SYT2: variants seen among roughly 807,000 people sequenced by gnomAD.
SYT2 encodes the protein synaptotagmin 2.
A neutral mutation model predicts 39.9 loss-of-function variants in SYT2; 15 were observed. The ratio of observed to expected loss-of-function variants is 0.38; its 90% confidence interval spans 0.25 to 0.58. The LOEUF is 0.58. Among genes scored for constraint, SYT2 ranks in the 20% least tolerant of loss-of-function variants. The pLI is 0.70. For missense variants in SYT2, 389 were observed against 530.3 expected (o/e 0.73, Z 2.62); for synonymous variants, 181 against 204.5 (o/e 0.89, Z 0.98).
In SYT2 at chr1:202,601,821, A is replaced by T. The variant is rs1690513287; in HGVS notation, c.801+69T>A. 8.5e-6 allele frequency: 13 copies of T among 1,524,486 alleles called. No individual in the cohort carries two copies. Among genetic ancestry groups the T allele is most frequent in the Non-Finnish European group, 9.8e-6 (11 of 1,119,862 alleles). 94.4% of individuals were successfully genotyped at this position (1,524,486 alleles called of 1,614,324 possible). On this transcript the variant is annotated intron_variant, in intron 6 of 8. Transcript: ENST00000367268. This position sits in a 1 kb window ranked among gnomAD's most constrained non-coding sequence, Gnocchi z 4.0. ...CTCCAAAGCCCACCCTGTTTCCATCATGCCAAGAGGTGGAAGCCCACCTGT... is the reference window on the plus strand; with the variant it reads ...CTCCAAAGCCCACCCTGTTTCCATCTTGCCAAGAGGTGGAAGCCCACCTGT...
chr1:202,609,418 T>C (rs554597109), intron 1 of SYT2, among the ~76,000 whole-genome samples: 2 of 152,218 alleles, frequency 1.3e-5, no homozygotes, highest in Non-Finnish European at 2.9e-5. Context: ...GTAATGGGAT[T>C]GCTGGATCAA....
rs1364416691 is a variant in SYT2 at position 202,601,174 on chromosome 1, A to G, written c.802-700T>C. 6.6e-6 allele frequency among the ~76,000 whole-genome samples: 1 copy of G among 152,192 alleles called. No individual in the cohort carries two copies. The highest frequency in any genetic ancestry group is 1.9e-4 in the East Asian group (1 of 5,184). On this transcript the variant is annotated intron_variant, in intron 6 of 8. Transcript: ENST00000367268. The surrounding 1 kb of genome is among the most constrained non-coding windows in gnomAD (Gnocchi z 4.0). ...CCAGGGCTCCTAATTCCTAAGGCCA[A>G]CACCACACTGCAGAGTCAAAGCTGC...
At position 202,689,522 on chromosome 1, in the gene SYT2, C is replaced by T. The variant is rs545825853; in HGVS notation, c.-18+20736G>A. 1.6e-4 allele frequency among the ~76,000 whole-genome samples: 25 copies of T among 152,236 alleles called. No individual in the cohort carries two copies. In the South Asian group the frequency reaches 5.2e-3, roughly 32 times the overall value. ...CTTGGCAAACAGCTCTGTGGAGTGG[C>T]CTTGTGGGAGGAGTCCGGCTCCACA... On this transcript the variant is annotated intron_variant, in intron 1 of 8. Coordinates refer to ENST00000367268, the MANE Select transcript of SYT2 (RefSeq NM_177402.5).
chr1:202,618,343 C>T (rs1213382631), intron 1 of SYT2, among the ~76,000 whole-genome samples: 4 of 151,944 alleles, frequency 2.6e-5, no homozygotes, highest in Non-Finnish European at 1.5e-5. Context: ...TGTCATCAGG[C>T]TATATCCAGG....
intron 1 of SYT2, among the ~76,000 whole-genome samples, chr1:202,697,746 A>G (rs550816957): frequency 6.6e-6 from 1 of 152,244 alleles, no homozygotes; most frequent in African/African-American, 2.4e-5. Context: ...TGATTGTAAT[A>G]ATCACCATAT....
At chr1:202,611,199 C>G (rs1474796738) in intron 1 of SYT2, among the ~76,000 whole-genome samples, 3 of 152,158 alleles carry the variant, frequency 2.0e-5, no homozygotes, top group African/African-American at 4.8e-5. Flanking sequence ...AATATCTATT[C>G]AAATCCTTTG....
intron 1 of SYT2, among the ~76,000 whole-genome samples, chr1:202,692,067 T>C (rs917563215): frequency 3.3e-5 from 5 of 152,024 alleles, no homozygotes; most frequent in African/African-American, 1.2e-4. Flanking sequence ...TATCCAGCCA[T>C]GCTTCCTCCT....
At chr1:202,661,554 CCTATG>C (rs1441249461) in intron 1 of SYT2, among the ~76,000 whole-genome samples, 17 of 152,192 alleles carry the variant, frequency 1.1e-4, no homozygotes, top group African/African-American at 3.9e-4. Flanking sequence ...TCGTGGTTGC[CCTATG>C]CCACTCGGCA....
At chr1:202,616,307 C>T (rs1222739466) in intron 1 of SYT2, among the ~76,000 whole-genome samples, 2 of 152,170 alleles carry the variant, frequency 1.3e-5, no homozygotes, top group Non-Finnish European at 1.5e-5. Context: ...CCCGTTCCTG[C>T]GCAGGATCCC....
intron 1 of SYT2, among the ~76,000 whole-genome samples, chr1:202,707,755 G>A (rs1323984273): frequency 6.6e-6 from 1 of 152,228 alleles, no homozygotes; most frequent in East Asian, 1.9e-4. Context: ...AGACCCCATT[G>A]AGATATGATA....
intron 1 of SYT2, among the ~76,000 whole-genome samples, chr1:202,640,782 GAGAGAGAGAGAC>G (rs1558443931): frequency 3.7e-4 from 47 of 126,368 alleles, no homozygotes; most frequent in East Asian, 1.2e-3. Flanking sequence ...GAGAGAGAGA[GAGAGAGAGAGAC>G]AGACAGACAG....
intron 1 of SYT2, among the ~76,000 whole-genome samples, chr1:202,608,596 T>C (rs1477141481): frequency 6.6e-6 from 1 of 152,250 alleles, no homozygotes; most frequent in Non-Finnish European, 1.5e-5. Flanking sequence ...TTTATATTTA[T>C]CCATTCATCA....
At chr1:202,605,490 T>G in intron 2 of SYT2, 105 bp downstream of exon 2, 2 of 1,136,774 alleles carry the variant, frequency 1.8e-6, no homozygotes, top group Non-Finnish European at 2.5e-6. Context: ...AATCTAAGCA[T>G]TAGGAAAGAG....
Position 202,590,943 on chromosome 1 carries a change from G to A in SYT2, c.*5814C>T, listed in dbSNP as rs957778701. The stretch of plus-strand genomic sequence containing the variant: ...AAGAGGCCCCCCTAAAGTCCTGATC[G>A]CTAAGGCAGGTGGGATGGAGGAACT... On this transcript the variant is annotated 3_prime_UTR_variant, in exon 9 of 9. Transcript: ENST00000367268. The A allele has an allele frequency of 1.3e-5, 2 of 152,210 alleles. No individual in the cohort carries two copies. Among genetic ancestry groups the A allele is most frequent in the African/African-American group, 4.8e-5 (2 of 41,444 alleles). The allele number at this position is 152,210 out of a possible 1,614,324, so 9.4% of individuals were successfully genotyped here. A position where few individuals can be genotyped will look rare whatever the true frequency, so the allele number is the denominator to read the frequency against.
chr1:202,612,796 TC>T (rs1363113193), intron 1 of SYT2, among the ~76,000 whole-genome samples: 2 of 152,228 alleles, frequency 1.3e-5, no homozygotes, highest in Non-Finnish European at 2.9e-5. Context: ...AATCTGTAGA[TC>T]AGCTCAGGGA....
chr1:202,689,853 C>A (rs1246081989), intron 1 of SYT2, among the ~76,000 whole-genome samples: 1 of 151,778 alleles, frequency 6.6e-6, no homozygotes, highest in South Asian at 2.1e-4. Context: ...GAATTAAGGG[C>A]CTTTCCCCCT....
chr1:202,604,495 A>ATGCCTTTGCCCTTCTCCTTCT lies in SYT2; in HGVS notation c.284_304dup (p.Lys95_Gly101dup). On this transcript the variant is annotated inframe_insertion, in exon 3 of 9. Coordinates refer to ENST00000367268, the MANE Select transcript of SYT2 (RefSeq NM_177402.5). ...GTCCTTCATGTTCATGGCATTCTTC[A>ATGCCTTTGCCCTTCTCCTTCT]TGCCTTTGCCCTTCTCCTTCTTGTT... The ATGCCTTTGCCCTTCTCCTTCT allele has an allele frequency of 6.2e-7, 1 of 1,614,136 alleles. No individual in the cohort carries two copies. The highest frequency in any genetic ancestry group is 8.5e-7 in the Non-Finnish European group (1 of 1,180,034).
At position 202,640,774 on chromosome 1, in the gene SYT2, GA is replaced by G. The variant is rs1481204557; in HGVS notation, c.-17-34986del. Among the ~76,000 whole-genome samples the G allele has an allele frequency of 9.5e-4, 130 of 136,704 alleles. 1 individual carries two copies. The highest frequency in any genetic ancestry group is 1.6e-3 in the Non-Finnish European group (105 of 65,212). The allele number at this position is 136,704 out of a possible 152,430, so 89.7% of individuals were successfully genotyped here. On this transcript the variant is annotated intron_variant, in intron 1 of 8. Transcript: ENST00000367268. The stretch of plus-strand genomic sequence containing the variant: ...AGAGAGAGAGAGAGAGAGAGAGAGA[GA>G]GAGAGAGAGAGAGAGAGACAGACAG...
intron 1 of SYT2, among the ~76,000 whole-genome samples, chr1:202,671,397 G>C (rs1317013732): frequency 6.6e-6 from 1 of 152,188 alleles, no homozygotes; most frequent in African/African-American, 2.4e-5. Flanking sequence ...TTTTTAGCGA[G>C]GGAATTTAGG....
Sources: gnomAD v4.1 joint callset for allele counts (sites outside exome capture counted in the v4.1 genomes callset) on GRCh38, gnomAD v4.1.1 for gene constraint, Gnocchi (gnomAD v3.1) non-coding constraint, MANE v1.5 for transcripts, NCBI Gene and HGNC (gene_info 2026-07-23, HGNC 2026-07-21) for gene names.